GALNT12: variants seen among roughly 807,000 people sequenced by gnomAD.
GALNT12 encodes polypeptide N-acetylgalactosaminyltransferase 12.
In GALNT12, 45 loss-of-function variants were observed where a neutral mutation model predicts 55.5. The ratio of observed to expected loss-of-function variants is 0.81; its 90% CI spans 0.64 to 1.04. The LOEUF (loss-of-function observed/expected upper bound fraction) is 1.04. Among genes scored for constraint, GALNT12 ranks in the 50% least tolerant of loss-of-function variants. GALNT12 has a pLI of 0.00. For synonymous variants in GALNT12, 304 were observed against 312.2 expected (o/e 0.97, Z 0.28); for missense variants, 709 against 754.8 (o/e 0.94, Z 0.71).
chr9:98,828,749 G>A (rs915593403), intron 3 of GALNT12, among the ~76,000 whole-genome samples: 4 of 152,152 alleles, frequency 2.6e-5, no homozygotes, highest in Admixed American at 6.5e-5. Context: ...GGCATGCAAT[G>A]CATAATAATC....
Position 98,844,131 on chromosome 9 carries a change from C to T in GALNT12, c.1380C>T (p.Asp460=). ...AAGGACTAACAGACTACTGCTTTGA[C>T]TATAACCCTCCCGATGAAAACCAGA... ...QNKGLTDYCF[D]YNPPDENQIV... The change falls in exon 8 of 10, where the codon GAC becomes GAT. Residue 460 remains aspartate, a synonymous_variant. Transcript: ENST00000375011. 6.2e-7 allele frequency: 1 copy of T among 1,613,896 alleles called. No individual in the cohort carries two copies. Among genetic ancestry groups the T allele is most frequent in the Non-Finnish European group, 8.5e-7 (1 of 1,179,768 alleles).
At chr9:98,831,650 C>CTTTCTCAGATGT in intron 3 of GALNT12, 122 bp from the exon 4 acceptor site, 1 of 1,124,424 alleles carries the variant, frequency 8.9e-7, no homozygotes, top group Non-Finnish European at 1.3e-6. Flanking sequence ...AGAAGCAGGT[C>CTTTCTCAGATGT]TTTCTCAGAT....
intron 1 of GALNT12, among the ~76,000 whole-genome samples, chr9:98,818,317 G>T (rs1024895494): frequency 9.9e-5 from 15 of 152,008 alleles, no homozygotes; most frequent in Admixed American, 8.5e-4. Context: ...CCGCCCCCCG[G>T]GTTCAAGCCA....
At position 98,831,753 on chromosome 9, in the gene GALNT12, A is replaced by G. The variant is rs1419617549; in HGVS notation, c.732-19A>G. On this transcript the variant is annotated intron_variant, in intron 3 of 9. Coordinates refer to ENST00000375011, the MANE Select transcript of GALNT12 (RefSeq NM_024642.5). ...CCGTCTGCATAGGAGAGACGGATGG[A>G]TGTCTTGGGTGCTTTCAGGATCCAT... The G allele has an allele frequency of 5.0e-6, 8 of 1,613,984 alleles. No homozygotes were observed. The highest frequency in any genetic ancestry group is 6.8e-6 in the Non-Finnish European group (8 of 1,179,994).
chr9:98,845,733 C>G (rs576547743), intron 8 of GALNT12, among the ~76,000 whole-genome samples: 36 of 152,252 alleles, frequency 2.4e-4, no homozygotes, highest in Admixed American at 1.8e-3. Flanking sequence ...AGCCCTGTCT[C>G]CCTGTCTAGC....
intron 3 of GALNT12, among the ~76,000 whole-genome samples, chr9:98,829,195 A>G (rs1835936767): frequency 6.8e-6 from 1 of 146,056 alleles, no homozygotes; most frequent in South Asian, 2.2e-4. Flanking sequence ...CTATCTATCT[A>G]TCTATCTATC....
chr9:98,810,010 C>T (rs1296651373), intron 1 of GALNT12, among the ~76,000 whole-genome samples: 1 of 152,168 alleles, frequency 6.6e-6, no homozygotes, highest in Admixed American at 6.5e-5. Context: ...TTATTCTTAC[C>T]CAGCCAGAGA....
chr9:98,847,371 A>T (rs1836445110), intron 9 of GALNT12: 1 of 152,172 alleles, frequency 6.6e-6, no homozygotes, highest in Non-Finnish European at 1.5e-5. Context: ...AATACAGGAA[A>T]ATAAGAAGGA....
intron 1 of GALNT12, among the ~76,000 whole-genome samples, chr9:98,817,366 C>T (rs575835206): frequency 7.2e-5 from 11 of 152,276 alleles, no homozygotes; most frequent in Admixed American, 3.9e-4. Flanking sequence ...ATAATGAAGA[C>T]GCAGTTATTA....
chr9:98,817,896 T>A (rs1010420556), intron 1 of GALNT12, among the ~76,000 whole-genome samples: 2 of 152,170 alleles, frequency 1.3e-5, no homozygotes, highest in Non-Finnish European at 2.9e-5. Context: ...ACATTGGACC[T>A]TTTTTTCCTC....
At chr9:98,829,701 A>G (rs1413512385) in intron 3 of GALNT12, among the ~76,000 whole-genome samples, 3 of 152,138 alleles carry the variant, frequency 2.0e-5, no homozygotes, top group Non-Finnish European at 4.4e-5. Context: ...TAGCTCCCAC[A>G]AATAAGTGAA....
chr9:98,845,077 A>G (rs1337540299), intron 8 of GALNT12, among the ~76,000 whole-genome samples: 1 of 152,176 alleles, frequency 6.6e-6, no homozygotes, highest in Admixed American at 6.5e-5. Flanking sequence ...CAACCCCTGC[A>G]ACCTTAAATT....
chr9:98,832,291 G>C (rs1836017890), intron 4 of GALNT12, among the ~76,000 whole-genome samples: 1 of 152,174 alleles, frequency 6.6e-6, no homozygotes, highest in African/African-American at 2.4e-5. Context: ...AAGCCAAGGT[G>C]GGAGGATTGC....
At position 98,826,263 on chromosome 9, in the gene GALNT12, G is replaced by A. The variant is rs571811988; in HGVS notation, c.542-489G>A. On this transcript the variant is annotated intron_variant, in intron 2 of 9. Transcript: ENST00000375011. Reference sequence around the variant, plus strand: ...AATCACCTAGGTAGTACTTGGCACAGCAAGTCCTCTTTAGTTTTAGCTGCT... The same window carrying A: ...AATCACCTAGGTAGTACTTGGCACAACAAGTCCTCTTTAGTTTTAGCTGCT... Among the ~76,000 whole-genome samples, 4 of 152,276 alleles carry A rather than the reference G, an allele frequency of 2.6e-5. No homozygotes were observed. The East Asian group carries it at 5.8e-4, about 22-fold the overall frequency.
intron 1 of GALNT12, among the ~76,000 whole-genome samples, chr9:98,814,429 C>T (rs1465557345): frequency 6.6e-6 from 1 of 151,970 alleles, no homozygotes; most frequent in East Asian, 1.9e-4. Flanking sequence ...TCAGGAGGGG[C>T]TGGGTGCAGT....
At chr9:98,823,198 A>G (rs756739306) in intron 1 of GALNT12, 58 bp from the exon 2 acceptor site, 110 of 1,510,852 alleles carry the variant, frequency 7.3e-5, no homozygotes, top group Non-Finnish European at 8.6e-5. Flanking sequence ...TTGTCACTCC[A>G]TCCCCAGTGC....
At chr9:98,818,878 A>G (rs538746809) in intron 1 of GALNT12, among the ~76,000 whole-genome samples, 1 of 152,124 alleles carries the variant, frequency 6.6e-6, no homozygotes, top group Non-Finnish European at 1.5e-5. Flanking sequence ...TCTGACTTGG[A>G]ATCTCTCTTG....
chr9:98,829,153 T>TAATC (rs761426681), intron 3 of GALNT12, among the ~76,000 whole-genome samples: 1 of 141,864 alleles, frequency 7.0e-6, no homozygotes, highest in Non-Finnish European at 1.5e-5. Flanking sequence ...GTAATTTTTT[T>TAATC]TATCTATCTA....
At chr9:98,839,891 A>C in intron 6 of GALNT12, 111 bp from the exon 7 acceptor site, 1 of 1,359,650 alleles carries the variant, frequency 7.4e-7, no homozygotes, top group Admixed American at 1.7e-5. Context: ...GCATGCGACG[A>C]ATGCTCCATC....
Sources: gnomAD v4.1 joint callset for allele counts (sites outside exome capture counted in the v4.1 genomes callset) on GRCh38, gnomAD v4.1.1 for gene constraint, MANE v1.5 for transcripts, NCBI Gene and HGNC (gene_info 2026-07-23, HGNC 2026-07-21) for gene names.